The following SLC35F4 variants were observed in gnomAD, a reference collection of about 807,000 sequenced individuals.
The protein encoded by SLC35F4 is solute carrier family 35 member F4.
In SLC35F4, 24 loss-of-function variants were observed where a neutral mutation model predicts 44.2. That is an observed-to-expected ratio of 0.54 (90% CI 0.39 to 0.76). SLC35F4 has a LOEUF of 0.76. Ranked by LOEUF, SLC35F4 falls within the 30% of genes least tolerant of loss-of-function variation. SLC35F4 has a pLI of 0.00. For synonymous variants in SLC35F4, 238 were observed against 223.6 expected (o/e 1.06, Z -0.57); for missense variants, 562 against 586.1 (o/e 0.96, Z 0.42).
chr14:57,905,982 A>G (rs1414023661), intron 1 of SLC35F4, among the ~76,000 whole-genome samples: 1 of 152,136 alleles, frequency 6.6e-6, no homozygotes, highest in African/African-American at 2.4e-5. Context: ...GGAGGCTTGT[A>G]CCCAGGGCAT....
At chr14:57,630,176 A>C (rs779732143) in intron 1 of SLC35F4, 22 of 561,566 alleles carry the variant, frequency 3.9e-5, no homozygotes, top group South Asian at 6.9e-5. Flanking sequence ...ATCAGAAGAC[A>C]CTAAATCAGA....
At chr14:57,855,386 A>G (rs1886985610) in intron 1 of SLC35F4, among the ~76,000 whole-genome samples, 1 of 152,254 alleles carries the variant, frequency 6.6e-6, no homozygotes, top group Non-Finnish European at 1.5e-5. Context: ...AAGAATATGA[A>G]CAGACACTTC....
intron 1 of SLC35F4, among the ~76,000 whole-genome samples, chr14:57,760,206 T>C (rs1594983533): frequency 6.6e-6 from 1 of 152,198 alleles, no homozygotes; most frequent in Non-Finnish European, 1.5e-5. Flanking sequence ...TTCATTTTTG[T>C]GCATGTTGTA....
intron 1 of SLC35F4, chr14:57,629,801 G>A (rs760463775): frequency 1.2e-5 from 4 of 325,588 alleles, no homozygotes; most frequent in Non-Finnish European, 2.4e-5. Flanking sequence ...AATTACAACT[G>A]CATGACTGTA....
At chr14:57,863,966 G>T (rs748341636) in intron 1 of SLC35F4, among the ~76,000 whole-genome samples, 2 of 152,102 alleles carry the variant, frequency 1.3e-5, no homozygotes, top group African/African-American at 4.8e-5. Context: ...TTATTGTGTT[G>T]CAAATGAAGC....
intron 1 of SLC35F4, among the ~76,000 whole-genome samples, chr14:57,914,337 C>A (rs1269361182): frequency 6.6e-6 from 1 of 151,650 alleles, no homozygotes; most frequent in Non-Finnish European, 1.5e-5. Flanking sequence ...GCTGAGGTGG[C>A]CAGATCACAA....
chr14:57,768,738 T>G (rs1199578214), intron 1 of SLC35F4, among the ~76,000 whole-genome samples: 1 of 151,918 alleles, frequency 6.6e-6, no homozygotes, highest in Admixed American at 6.6e-5. Context: ...AGAGTCAACC[T>G]TGGGTTCTTG....
In SLC35F4 at chr14:57,581,820, G is replaced by A. The variant is rs530155785; in HGVS notation, c.588-387C>T. Among the ~76,000 whole-genome samples the A allele has an allele frequency of 8.5e-5, 13 of 152,316 alleles. No homozygotes were observed. In the East Asian group the frequency reaches 1.5e-3, roughly 18 times the overall value. On this transcript the variant is annotated intron_variant, in intron 3 of 7. Transcript: ENST00000556826. ...TCAAGGCTGCTACTACTCTGTGAAC[G>A]GGCTACAGACAACTCCTAGAACCCG...
chr14:57,975,361 A>G (rs766099912), downstream of SLC35F4, among the ~76,000 whole-genome samples: 1 of 152,210 alleles, frequency 6.6e-6, no homozygotes, highest in Non-Finnish European at 1.5e-5. Flanking sequence ...GGGTTCCATC[A>G]TTAGGCTTTC....
intron 1 of SLC35F4, among the ~76,000 whole-genome samples, chr14:57,667,334 GTTGT>G (rs150858846): frequency 0.062 from 9,262 of 150,114 alleles, 408 homozygotes; most frequent in South Asian, 0.093. Context: ...TTTTGTTGTT[GTTGT>G]TTATTTATTT....
intron 1 of SLC35F4, among the ~76,000 whole-genome samples, chr14:57,737,632 C>T (rs770186666): frequency 3.3e-5 from 5 of 152,200 alleles, no homozygotes; most frequent in African/African-American, 4.8e-5. Flanking sequence ...TACTCAGGTC[C>T]AGACCTCAGA....
At chr14:57,756,126 T>G (rs2076989050) in intron 1 of SLC35F4, among the ~76,000 whole-genome samples, 1 of 152,242 alleles carries the variant, frequency 6.6e-6, no homozygotes, top group African/African-American at 2.4e-5. Context: ...TACTTTGATT[T>G]CATTTTCTCC....
intron 1 of SLC35F4, among the ~76,000 whole-genome samples, chr14:57,637,566 G>T (rs2073062045): frequency 1.3e-5 from 2 of 152,104 alleles, no homozygotes; most frequent in Admixed American, 6.6e-5. Context: ...TCCGAGGATG[G>T]TTTAGCTAGG....
intron 1 of SLC35F4, among the ~76,000 whole-genome samples, chr14:57,815,237 C>T (rs867696183): frequency 1.3e-5 from 2 of 152,180 alleles, no homozygotes; most frequent in African/African-American, 4.8e-5. Context: ...AAATTAATTT[C>T]ACCAATTCAC....
chr14:57,755,056 C>T (rs149880120), intron 1 of SLC35F4, among the ~76,000 whole-genome samples: 5 of 152,282 alleles, frequency 3.3e-5, no homozygotes, highest in East Asian at 3.9e-4. Flanking sequence ...ACAGGGGAGA[C>T]GTGAAAGCTC....
chr14:57,647,845 AC>A (rs1365702737), intron 1 of SLC35F4, among the ~76,000 whole-genome samples: 1 of 151,930 alleles, frequency 6.6e-6, no homozygotes. Flanking sequence ...ATGTCTGATC[AC>A]CCCGGCCTGT....
At chr14:57,644,727 C>G (rs2073421243) in intron 1 of SLC35F4, among the ~76,000 whole-genome samples, 1 of 152,170 alleles carries the variant, frequency 6.6e-6, no homozygotes, top group South Asian at 2.1e-4. Context: ...AGGTTTTCTT[C>G]TAGGGTTTTT....
At chr14:57,684,345 G>C (rs1018528477) in intron 1 of SLC35F4, among the ~76,000 whole-genome samples, 1 of 152,128 alleles carries the variant, frequency 6.6e-6, no homozygotes, top group Non-Finnish European at 1.5e-5. Flanking sequence ...TGGCACCGGG[G>C]ACTGTTTTTT....
At chr14:57,777,396 G>T (rs1282511278) in intron 1 of SLC35F4, among the ~76,000 whole-genome samples, 1 of 152,198 alleles carries the variant, frequency 6.6e-6, no homozygotes, top group Non-Finnish European at 1.5e-5. Flanking sequence ...ATCAATGATA[G>T]ACTGGATTAA....
Sources: allele counts gnomAD v4.1 joint callset (sites outside exome capture counted in the v4.1 genomes callset), GRCh38; gene constraint gnomAD v4.1.1; transcripts MANE v1.5; gene names NCBI Gene and HGNC (gene_info 2026-07-23, HGNC 2026-07-21).